CTR9: variants seen among roughly 807,000 people sequenced by gnomAD.
CTR9 encodes RNA polymerase-associated protein CTR9 homolog.
CTR9 carries 41 observed loss-of-function variants against 152.1 expected under a neutral mutation model. The observed-to-expected ratio is 0.27, with a 90% confidence interval of 0.21 to 0.35. The LOEUF is 0.35. CTR9 is among the 10% of genes least tolerant of loss of function. CTR9 has a pLI of 1.00. For missense variants in CTR9, 917 were observed against 1,424.4 expected (o/e 0.64, Z 5.73); for synonymous variants, 476 against 496.2 (o/e 0.96, Z 0.54).
In CTR9 at chr11:10,757,447, G is replaced by C. The variant is rs57168455; in HGVS notation, c.592+609G>C. Among the ~76,000 whole-genome samples the C allele has an allele frequency of 7.9e-4, 120 of 151,846 alleles. 2 individuals carry two copies. The highest frequency in any genetic ancestry group is 2.4e-3 in the African/African-American group (98 of 41,382). ...CTCTACAGAAAATCAGCCGCACATG[G>C]TAGTGCTTGTGGTCGCACCTACACA... On this transcript the variant is annotated intron_variant, in intron 5 of 24. Coordinates refer to ENST00000361367, the MANE Select transcript of CTR9 (RefSeq NM_014633.5).
Position 10,779,318 on chromosome 11 carries a change from G to A in CTR9, c.*213G>A. Reference sequence around the variant, plus strand: ...TCGTGCAAATGAGACTATTCTTTGTGGTACAATTCCACCTATCATATGTGA... The same window carrying A: ...TCGTGCAAATGAGACTATTCTTTGTAGTACAATTCCACCTATCATATGTGA... On this transcript the variant is annotated 3_prime_UTR_variant, in exon 25 of 25. Coordinates refer to ENST00000361367, the MANE Select transcript of CTR9 (RefSeq NM_014633.5). 2.0e-6 allele frequency: 1 copy of A among 511,106 alleles called. No individual in the cohort carries two copies. Among genetic ancestry groups the A allele is most frequent in the Non-Finnish European group, 3.4e-6 (1 of 290,156 alleles). The allele number at this position is 511,106 out of a possible 1,614,324, so 31.7% of individuals were successfully genotyped here.
chr11:10,774,370 C>A, intron 22 of CTR9: 1 of 484,020 alleles, frequency 2.1e-6, no homozygotes, highest in Non-Finnish European at 3.6e-6. Context: ...TACGTCTCCA[C>A]AGCTTTCCTT....
chr11:10,752,812 G>C, intron 2 of CTR9, 42 bp downstream of exon 2: 1 of 1,476,072 alleles, frequency 6.8e-7, no homozygotes, highest in Non-Finnish European at 9.5e-7. Context: ...TGTTGACTAG[G>C]AAAATATGTA....
Position 10,764,622 on chromosome 11 carries a change from C to T in CTR9, c.1488C>T (p.Ser496=), listed in dbSNP as rs748059481. Residue 496 remains serine, a synonymous_variant, in exon 12 of 25, where the codon TCC becomes TCT. Transcript: ENST00000361367. ...ATGAGCATTACTATAACGCCATTTC[C>T]GTTACCACGTCATATAATCTCGCCA... The part of the protein sequence containing the change: ...EHDEHYYNAI[S]VTTSYNLARL... 29 of 1,613,266 alleles carry T rather than the reference C, an allele frequency of 1.8e-5. No homozygotes were observed. In the African/African-American group the frequency reaches 2.3e-4, roughly 13 times the overall value.
At chr11:10,770,943 G>A (rs1863133952) in intron 18 of CTR9, among the ~76,000 whole-genome samples, 1 of 152,178 alleles carries the variant, frequency 6.6e-6, no homozygotes, top group South Asian at 2.1e-4. Context: ...TAATCTGACA[G>A]TAATGTGACC....
chr11:10,770,498 G>A lies in CTR9; in HGVS notation c.2238G>A (p.Val746=). ...CKQTLLKARH[V]APSDTVLMFN... ...TTTTTTATTCACAGGCTAGACATGT[G>A]GCACCCAGTGATACAGTTCTTATGT... Residue 746 remains valine, a synonymous_variant, in exon 18 of 25, where the codon GTG becomes GTA. Transcript: ENST00000361367. 1 of 1,612,436 alleles carries A rather than the reference G, an allele frequency of 6.2e-7. No homozygotes were observed. Among genetic ancestry groups the A allele is most frequent in the Non-Finnish European group, 8.5e-7 (1 of 1,179,492 alleles).
chr11:10,751,600 C>T lies in CTR9; in HGVS notation c.45+143C>T, dbSNP rs1862803067. ...AAATACCTGGCCAAGGTCTGATCAT[C>T]ATCTTCTTCAGCCCCTGTGCCCTCT... On this transcript the variant is annotated intron_variant, in intron 1 of 24. Transcript: ENST00000361367. 4 of 799,974 alleles carry T rather than the reference C, an allele frequency of 5.0e-6. No individual in the cohort carries two copies. In the Admixed American group the frequency reaches 6.4e-5, roughly 13 times the overall value. The allele number at this position is 799,974 out of a possible 1,614,324, so 49.6% of individuals were successfully genotyped here. A position where few individuals can be genotyped will look rare whatever the true frequency, so the allele number is the denominator to read the frequency against.
chr11:10,767,674 G>GA lies in CTR9; in HGVS notation c.1687-129dup. 2 of 770,604 alleles carry GA rather than the reference G, an allele frequency of 2.6e-6. No individual in the cohort carries two copies. The highest frequency in any genetic ancestry group is 2.6e-5 in the East Asian group (1 of 39,102). 47.7% of individuals were successfully genotyped at this position (770,604 alleles called of 1,614,324 possible). On this transcript the variant is annotated intron_variant, in intron 13 of 24. Coordinates refer to ENST00000361367, the MANE Select transcript of CTR9 (RefSeq NM_014633.5). This position sits in a 1 kb window ranked among gnomAD's most constrained non-coding sequence, Gnocchi z 4.0. ...ATTGCCATGCAAAAAAAAAAAGAAA[G>GA]AAAGAAAAGAAAGAAAACCACTGTT...
chr11:10,761,831 G>A (rs551358597), intron 6 of CTR9, 116 bp from the exon 7 acceptor site: 50 of 570,412 alleles, frequency 8.8e-5, no homozygotes, highest in South Asian at 2.5e-4. Context: ...CTTCTAATCC[G>A]TTTTAGTGTC....
At chr11:10,778,609 A>G in intron 24 of CTR9, 70 bp from the exon 25 acceptor site, 4 of 1,430,936 alleles carry the variant, frequency 2.8e-6, no homozygotes, top group Non-Finnish European at 3.8e-6. Flanking sequence ...TTTTAAAAGC[A>G]CATTGTCTGC....
chr11:10,770,562 G>A lies in CTR9; in HGVS notation c.2302G>A (p.Val768Ile), dbSNP rs769974732. 6.2e-7 allele frequency: 1 copy of A among 1,613,984 alleles called. No homozygotes were observed. Among genetic ancestry groups the A allele is most frequent in the Non-Finnish European group, 8.5e-7 (1 of 1,179,964 alleles). The change falls in exon 18 of 25, where the codon GTC (valine) becomes ATC (isoleucine). Residue 768 changes from valine (V) to isoleucine (I), a missense_variant. This residue lies in a region of CTR9 where 106 missense variants were observed against 157.8 expected (regional missense o/e 0.67). Transcript: ENST00000361367. Reference sequence around the variant, plus strand: ...GGTCCTGCAAAGATTAGCTACCTCTGTCCTGAAAGATGAAAAAAGTAATCT... The same window carrying A: ...GGTCCTGCAAAGATTAGCTACCTCTATCCTGAAAGATGAAAAAAGTAATCT... Reference protein sequence around the residue: ...ALVLQRLATSVLKDEKSNLKE... With the variant: ...ALVLQRLATSILKDEKSNLKE...
intron 5 of CTR9, among the ~76,000 whole-genome samples, chr11:10,758,054 A>G (rs1312599997): frequency 6.6e-6 from 1 of 151,906 alleles, no homozygotes; most frequent in African/African-American, 2.4e-5. Flanking sequence ...TAAGGAGGCC[A>G]TTGTTTCTGG....
At chr11:10,772,763 T>A in intron 20 of CTR9, 108 bp downstream of exon 20, 1 of 1,141,528 alleles carries the variant, frequency 8.8e-7, no homozygotes, top group Non-Finnish European at 1.2e-6. Flanking sequence ...CTGACACCTC[T>A]AATTCCAACA....
intron 24 of CTR9, among the ~76,000 whole-genome samples, chr11:10,777,014 A>G (rs1032221962): frequency 1.5e-4 from 22 of 141,976 alleles, no homozygotes; most frequent in African/African-American, 5.4e-4. Context: ...TTATAGTTGG[A>G]TTAATGTATC....
intron 24 of CTR9, among the ~76,000 whole-genome samples, chr11:10,776,931 C>A (rs995831814): frequency 7.6e-6 from 1 of 130,768 alleles, no homozygotes; most frequent in Non-Finnish European, 1.6e-5. Context: ...TGAGATGGTA[C>A]CACTGCACTC....
intron 18 of CTR9, among the ~76,000 whole-genome samples, chr11:10,771,231 G>A (rs999618676): frequency 6.6e-6 from 1 of 152,132 alleles, no homozygotes; most frequent in African/African-American, 2.4e-5. Flanking sequence ...TGCCTTGCCT[G>A]GTAAATTATA....
rs1862794825 is a variant in CTR9 at position 10,751,275 on chromosome 11, GC to G, written c.-136del. Reference sequence around the variant, plus strand: ...TTTAAGCGGCTGACGGGAAGGAGAAGCCAGAGCTCCAGCGGCGCCGCGGGGC... The same window carrying G: ...TTTAAGCGGCTGACGGGAAGGAGAAGCAGAGCTCCAGCGGCGCCGCGGGGC... On this transcript the variant is annotated 5_prime_UTR_variant, in exon 1 of 25. Transcript: ENST00000361367. 1.1e-6 allele frequency: 1 copy of G among 878,670 alleles called. No individual in the cohort carries two copies. The highest frequency in any genetic ancestry group is 2.5e-5 in the East Asian group (1 of 39,266). The allele number at this position is 878,670 out of a possible 1,614,324, so 54.4% of individuals were successfully genotyped here. A position where few individuals can be genotyped will look rare whatever the true frequency, so the allele number is the denominator to read the frequency against.
intron 18 of CTR9, 85 bp downstream of exon 18, chr11:10,770,717 A>G (rs1272239984): frequency 2.3e-6 from 3 of 1,300,398 alleles, no homozygotes; most frequent in East Asian, 2.4e-5. Context: ...TTTGTCTGAA[A>G]TGCTTTGTTT....
In CTR9 at chr11:10,751,252, T is replaced by A; in HGVS notation, c.-161T>A. 1 of 701,942 alleles carries A rather than the reference T, an allele frequency of 1.4e-6. No individual in the cohort carries two copies. 43.5% of individuals were successfully genotyped at this position (701,942 alleles called of 1,614,324 possible). A position where few individuals can be genotyped will look rare whatever the true frequency, so the allele number is the denominator to read the frequency against. On this transcript the variant is annotated 5_prime_UTR_variant, in exon 1 of 25. Coordinates refer to ENST00000361367, the MANE Select transcript of CTR9 (RefSeq NM_014633.5). ...CGTCCGCCGTCCGCTGCTCGTTGTT[T>A]AAGCGGCTGACGGGAAGGAGAAGCC...
Sources: allele counts gnomAD v4.1 joint callset (sites outside exome capture counted in the v4.1 genomes callset), GRCh38; gene constraint gnomAD v4.1.1; regional missense constraint gnomAD v4.1.1; non-coding constraint Gnocchi (gnomAD v3.1); transcripts MANE v1.5; gene names NCBI Gene and HGNC (gene_info 2026-07-23, HGNC 2026-07-21).